FALEC: variants seen among roughly 807,000 people sequenced by gnomAD.
The protein encoded by FALEC is focally amplified lncRNA regulator of ECM1.
At chr1:150,526,961 A>C in the FALEC span, among the ~76,000 whole-genome samples, 25 of 143,780 alleles carry the variant, frequency 1.7e-4, no homozygotes, top group African/African-American at 6.3e-4. Flanking sequence ...ATTGAGACAG[A>C]GTCTTGCTCT....
downstream of FALEC, among the ~76,000 whole-genome samples, chr1:150,520,073 C>T (rs1421602079): frequency 6.6e-6 from 1 of 151,982 alleles, no homozygotes; most frequent in Admixed American, 6.6e-5. Context: ...CACTTGAATC[C>T]GGGAGGTGGA....
the FALEC span, among the ~76,000 whole-genome samples, chr1:150,525,641 TC>T: frequency 6.6e-6 from 1 of 152,232 alleles, no homozygotes; most frequent in Admixed American, 6.5e-5. Flanking sequence ...GGTGTTTTCC[TC>T]TGTCACCCAG....
chr1:150,531,462 C>G, the FALEC span, among the ~76,000 whole-genome samples: 2 of 151,496 alleles, frequency 1.3e-5, no homozygotes, highest in African/African-American at 4.9e-5. Context: ...GCAACAAGAG[C>G]AAAACTCCAT....
intron 1 of FALEC, chr1:150,516,090 A>C (rs904522362): frequency 7.8e-6 from 1 of 128,948 alleles, no homozygotes; most frequent in Non-Finnish European, 1.6e-5. Context: ...CTAAAAATAC[A>C]AAAAAAAAAA....
chr1:150,524,347 A>T, the FALEC span, among the ~76,000 whole-genome samples: 1 of 150,108 alleles, frequency 6.7e-6, no homozygotes, highest in Non-Finnish European at 1.5e-5. Context: ...TATTATATAC[A>T]CCAGAGACTC....
chr1:150,525,978 G>A, the FALEC span, among the ~76,000 whole-genome samples: 2 of 152,052 alleles, frequency 1.3e-5, no homozygotes, highest in South Asian at 2.1e-4. Flanking sequence ...TTCCATATGT[G>A]GTCTTTTTTG....
the FALEC span, among the ~76,000 whole-genome samples, chr1:150,532,980 C>A: frequency 6.6e-6 from 1 of 152,146 alleles, no homozygotes; most frequent in Non-Finnish European, 1.5e-5. Context: ...GCATGGGGAA[C>A]AGCTTCGGCA....
intron 1 of FALEC, among the ~76,000 whole-genome samples, chr1:150,516,721 C>G (rs953240698): frequency 2.0e-5 from 3 of 152,154 alleles, no homozygotes; most frequent in African/African-American, 4.8e-5. Context: ...GAAAGCTTCA[C>G]AGAATTCAAG....
At chr1:150,516,920 TTC>T (rs1233276113) in intron 1 of FALEC, among the ~76,000 whole-genome samples, 1 of 152,200 alleles carries the variant, frequency 6.6e-6, no homozygotes, top group Non-Finnish European at 1.5e-5. Context: ...GTTAGAAATA[TTC>T]TCAGAATTCT....
chr1:150,528,847 A>G, the FALEC span, among the ~76,000 whole-genome samples: 1 of 151,726 alleles, frequency 6.6e-6, no homozygotes, highest in African/African-American at 2.4e-5. Flanking sequence ...TCGGCCTCCC[A>G]AAGTGCTGGG....
the FALEC span, among the ~76,000 whole-genome samples, chr1:150,531,278 C>T: frequency 6.6e-6 from 1 of 152,098 alleles, no homozygotes. Context: ...GCGGATCATC[C>T]GAGGTCGGGA....
At chr1:150,534,659 T>C in the FALEC span, among the ~76,000 whole-genome samples, 18 of 152,080 alleles carry the variant, frequency 1.2e-4, 1 homozygote, top group East Asian at 1.4e-3. Context: ...CTGGCCAACA[T>C]GGTGAAACCC....
chr1:150,534,702 T>C, the FALEC span, among the ~76,000 whole-genome samples: 3 of 151,748 alleles, frequency 2.0e-5, no homozygotes, highest in South Asian at 2.1e-4. Flanking sequence ...ATTTGCTGGG[T>C]GTGGTGGCGC....
chr1:150,516,960 G>T (rs985540937), intron 1 of FALEC, among the ~76,000 whole-genome samples: 7 of 152,070 alleles, frequency 4.6e-5, no homozygotes, highest in African/African-American at 1.7e-4. Flanking sequence ...TGGCCTTCAG[G>T]GAGATCTTCC....
downstream of FALEC, among the ~76,000 whole-genome samples, chr1:150,522,793 T>C (rs79524321): frequency 0.043 from 6,242 of 145,938 alleles, 395 homozygotes; most frequent in African/African-American, 0.12. Flanking sequence ...ATTTTTCCTG[T>C]TGTTTACATG....
the FALEC span, among the ~76,000 whole-genome samples, chr1:150,525,657 G>A: frequency 1.3e-5 from 2 of 152,112 alleles, no homozygotes; most frequent in East Asian, 3.8e-4. Flanking sequence ...ACCCAGACAC[G>A]AATGCAGTGG....
chr1:150,522,968 TATATATA>T (rs1670674153), downstream of FALEC, among the ~76,000 whole-genome samples: 15 of 47,598 alleles, frequency 3.2e-4, 1 homozygote, highest in African/African-American at 1.3e-3. Flanking sequence ...TATATATATA[TATATATA>T]TATATATATT....
At chr1:150,522,985 T>A (rs1258393112), downstream of FALEC, among the ~76,000 whole-genome samples, 9 of 71,618 alleles carry the variant, frequency 1.3e-4, no homozygotes, top group African/African-American at 4.2e-4. Context: ...ATATATATAT[T>A]TTTTTTTTTT....
the FALEC span, among the ~76,000 whole-genome samples, chr1:150,531,631 A>C: frequency 6.6e-6 from 1 of 152,230 alleles, no homozygotes; most frequent in Non-Finnish European, 1.5e-5. Context: ...CCAGGAAGCT[A>C]AACAATAACC....
Sources: allele counts gnomAD v4.1 joint callset (sites outside exome capture counted in the v4.1 genomes callset), GRCh38; gene constraint gnomAD v4.1.1; transcripts MANE v1.5; gene names NCBI Gene and HGNC (gene_info 2026-07-23, HGNC 2026-07-21).